The following ANTXRL variants were observed in gnomAD, a reference collection of about 807,000 sequenced individuals.
The protein encoded by ANTXRL is ANTXR like.
ANTXRL carries 63 observed loss-of-function variants against 75.4 expected under a neutral mutation model. That is an observed-to-expected ratio of 0.84 (90% CI 0.68 to 1.03). The LOEUF (loss-of-function observed/expected upper bound fraction) is 1.03. Ranked by LOEUF, ANTXRL falls within the 50% of genes least tolerant of loss-of-function variation. The pLI, the probability that ANTXRL is intolerant of heterozygous loss-of-function variation, is 0.00. For missense variants in ANTXRL, 797 were observed against 789.4 expected (o/e 1.01, Z -0.12); for synonymous variants, 335 against 291.3 (o/e 1.15, Z -1.53).
chr10:46,329,402 T>C (rs1158468117), intron 16 of ANTXRL, among the ~76,000 whole-genome samples, 197 bp from the exon 17 acceptor site: 2 of 152,024 alleles, frequency 1.3e-5, no homozygotes, highest in Non-Finnish European at 2.9e-5. Context: ...GAGGGGACTT[T>C]GAACGCTGGA....
chr10:46,286,166 GCC>G (rs1554955091), upstream of ANTXRL, among the ~76,000 whole-genome samples: 1 of 152,120 alleles, frequency 6.6e-6, no homozygotes, highest in African/African-American at 2.4e-5. Flanking sequence ...CTGTGTTCCT[GCC>G]CATTGACTCT....
chr10:46,303,515 G>A (rs1363702028), intron 10 of ANTXRL, among the ~76,000 whole-genome samples: 3 of 152,174 alleles, frequency 2.0e-5, no homozygotes, highest in Non-Finnish European at 4.4e-5. Flanking sequence ...CCGCAAATTT[G>A]AAATCTGAAA....
Position 46,297,444 on chromosome 10 carries a change from C to G in ANTXRL, c.624C>G (p.Thr208=). ...KARKLGANVY[T]LGVADYNLDQ... ...GGAAACTGGGGGCCAACGTTTACAC[C>G]CTGGGTGTGGCTGATTATAATCTGG... is the stretch of plus-strand genomic sequence containing the variant. The change falls in exon 7 of 17, where the codon ACC becomes ACG. Residue 208 remains threonine (T), a synonymous_variant. Transcript: ENST00000620264. 6.5e-7 allele frequency: 1 copy of G among 1,535,830 alleles called. No individual in the cohort carries two copies. The highest frequency in any genetic ancestry group is 1.2e-5 in the South Asian group (1 of 84,050).
chr10:46,329,495 C>A, intron 16 of ANTXRL, 104 bp from the exon 17 acceptor site: 1 of 1,407,098 alleles, frequency 7.1e-7, no homozygotes, highest in Non-Finnish European at 9.4e-7. Context: ...CCCTGTGGGT[C>A]CCGATGGGTC....
intron 1 of ANTXRL, among the ~76,000 whole-genome samples, chr10:46,289,058 A>G (rs1264769461): frequency 6.6e-6 from 1 of 152,166 alleles, no homozygotes; most frequent in Non-Finnish European, 1.5e-5. Context: ...TCCAAAGACC[A>G]CGCAGCTGGG....
Position 46,287,158 on chromosome 10 carries a change from C to G in ANTXRL, c.-105C>G, listed in dbSNP as rs540360146. The G allele has an allele frequency of 7.1e-7, 1 of 1,411,982 alleles. No homozygotes were observed. The highest frequency in any genetic ancestry group is 1.4e-5 in the African/African-American group (1 of 69,330). 87.5% of individuals were successfully genotyped at this position (1,411,982 alleles called of 1,614,324 possible). On this transcript the variant is annotated 5_prime_UTR_variant, in exon 1 of 17. Coordinates refer to ENST00000620264, the MANE Select transcript of ANTXRL (RefSeq NM_001278688.3). ...TGAAAGGGCAGGAGGAGGGGTGTGG[C>G]CCCGGGCATAAGGGGAGGCGGCAAA...
At chr10:46,321,910 T>A (rs1194014458) in intron 16 of ANTXRL, among the ~76,000 whole-genome samples, 3 of 152,066 alleles carry the variant, frequency 2.0e-5, no homozygotes, top group African/African-American at 7.3e-5. Flanking sequence ...TCAATTTGAG[T>A]TTTAAGATGT....
At chr10:46,297,979 G>A (rs879968438) in intron 8 of ANTXRL, 23 bp from the exon 9 acceptor site, 19 of 1,535,674 alleles carry the variant, frequency 1.2e-5, no homozygotes, top group African/African-American at 6.9e-5. Context: ...TCCCTGTCCC[G>A]CCCCACCCCT....
intron 2 of ANTXRL, among the ~76,000 whole-genome samples, chr10:46,293,577 G>C (rs529691405): frequency 2.1e-5 from 3 of 143,630 alleles, no homozygotes; most frequent in African/African-American, 5.0e-5. Context: ...GTGTGTGCGC[G>C]TGTGTGTGTG....
intron 10 of ANTXRL, among the ~76,000 whole-genome samples, chr10:46,303,439 T>A (rs1418845517): frequency 6.6e-6 from 1 of 152,190 alleles, no homozygotes; most frequent in African/African-American, 2.4e-5. Flanking sequence ...ACCACAGATA[T>A]TTTAGTTTTC....
At position 46,297,324 on chromosome 10, in the gene ANTXRL, G is replaced by A; in HGVS notation, c.581G>A (p.Arg194Lys). The change falls in exon 6 of 17, where the codon AGA (arginine) becomes AAA (lysine). Residue 194 changes from arginine to lysine, a missense_variant. Around this residue, in one of 3 missense-constraint regions of ANTXRL, gnomAD observed 262 missense variants for 271.9 expected, o/e 0.96. Transcript: ENST00000620264. ...LVAHAFQDTL[R>K]EAQKARKLGA... Reference sequence around the variant, plus strand: ...GCACATGCATTTCAGGACACTCTCAGAGAAGTGAGTCCAGTTCATACTTAC... The same window carrying A: ...GCACATGCATTTCAGGACACTCTCAAAGAAGTGAGTCCAGTTCATACTTAC... 6.5e-7 allele frequency: 1 copy of A among 1,536,420 alleles called. No homozygotes were observed. Among genetic ancestry groups the A allele is most frequent in the Non-Finnish European group, 8.7e-7 (1 of 1,146,788 alleles).
intron 16 of ANTXRL, among the ~76,000 whole-genome samples, chr10:46,328,060 G>A (rs1839312706): frequency 1.3e-5 from 2 of 152,148 alleles, no homozygotes; most frequent in South Asian, 4.1e-4. Flanking sequence ...TGCAGAGCAG[G>A]GACAGGCACA....
intron 3 of ANTXRL, among the ~76,000 whole-genome samples, chr10:46,294,743 G>A (rs1837261747): frequency 6.6e-6 from 1 of 152,170 alleles, no homozygotes; most frequent in Non-Finnish European, 1.5e-5. Context: ...TGACCCAGAC[G>A]GGGAGCGGGG....
At chr10:46,310,673 G>T (rs1435090083) in intron 14 of ANTXRL, among the ~76,000 whole-genome samples, 174 bp downstream of exon 14, 1 of 152,090 alleles carries the variant, frequency 6.6e-6, no homozygotes, top group Non-Finnish European at 1.5e-5. Flanking sequence ...TCCCCAGCAT[G>T]CCCTTTCCGC....
rs1170977997 is a variant in ANTXRL at position 46,287,626 on chromosome 10, A to G, written c.248+116A>G. The G allele has an allele frequency of 1.4e-5, 20 of 1,400,618 alleles. No individual in the cohort carries two copies. The Admixed American group carries it at 4.4e-4, about 31-fold the overall frequency. The allele number at this position is 1,400,618 out of a possible 1,614,324, so 86.8% of individuals were successfully genotyped here. A position where few individuals can be genotyped will look rare whatever the true frequency, so the allele number is the denominator to read the frequency against. ...AAGCTTCCGTCACAGAAGCAGGGCC[A>G]AACTTTGGTCAGACCAGACCTAGGC... On this transcript the variant is annotated intron_variant, in intron 1 of 16. Coordinates refer to ENST00000620264, the MANE Select transcript of ANTXRL (RefSeq NM_001278688.3).
chr10:46,298,880 G>A (rs1348094458), intron 9 of ANTXRL, among the ~76,000 whole-genome samples: 3 of 151,602 alleles, frequency 2.0e-5, no homozygotes, highest in South Asian at 2.1e-4. Context: ...TGCATGGGTC[G>A]GTGGGAGTGG....
intron 3 of ANTXRL, among the ~76,000 whole-genome samples, chr10:46,295,409 C>T (rs1445641247): frequency 2.0e-5 from 3 of 151,642 alleles, no homozygotes; most frequent in South Asian, 2.1e-4. Flanking sequence ...ACCCCATTGA[C>T]AGTGGCTGAC....
Position 46,329,752 on chromosome 10 carries a change from G to T in ANTXRL, c.1564G>T (p.Ala522Ser). The change falls in exon 17 of 17, where the codon GCC becomes TCC. Residue 522 changes from alanine (A) to serine (S), a missense_variant. Ala to Ser is a moderately conservative substitution (Grantham distance 99). Transcript: ENST00000620264. ...MCLRHSRECLALKQARCSPNI... is the reference protein window; with the variant it reads ...MCLRHSRECLSLKQARCSPNI... ...CCTGAGACACAGCCGGGAGTGCCTC[G>T]CCCTCAAACAGGCTCGCTGCAGCCC... The T allele has an allele frequency of 6.5e-7, 1 of 1,531,478 alleles. No homozygotes were observed. The highest frequency in any genetic ancestry group is 8.7e-7 in the Non-Finnish European group (1 of 1,145,728). 94.9% of individuals were successfully genotyped at this position (1,531,478 alleles called of 1,614,324 possible).
intron 1 of ANTXRL, among the ~76,000 whole-genome samples, chr10:46,288,306 A>G (rs1222364224): frequency 5.9e-5 from 9 of 152,044 alleles, no homozygotes; most frequent in African/African-American, 2.2e-4. Flanking sequence ...CCTCACCACA[A>G]TCCTGGGCTG....
Sources: gnomAD v4.1 joint callset for allele counts (sites outside exome capture counted in the v4.1 genomes callset) on GRCh38, gnomAD v4.1.1 for gene constraint, gnomAD v4.1.1 regional missense constraint, MANE v1.5 for transcripts, NCBI Gene and HGNC (gene_info 2026-07-23, HGNC 2026-07-21) for gene names.